PCDH15: variants seen among roughly 807,000 people sequenced by gnomAD.
PCDH15 encodes the protein protocadherin related 15, also known as protocadherin-15.
PCDH15 carries 129 observed loss-of-function variants against 178.5 expected under a neutral mutation model. The ratio of observed to expected loss-of-function variants is 0.72; its 90% confidence interval spans 0.63 to 0.84. PCDH15 has a LOEUF of 0.84. Ranked by LOEUF, PCDH15 falls within the 40% of genes least tolerant of loss-of-function variation. PCDH15 has a pLI of 0.00. For synonymous variants in PCDH15, 800 were observed against 732.0 expected (o/e 1.09, Z -1.50); for missense variants, 2,230 against 2,099.9 (o/e 1.06, Z -1.21).
At chr10:54,163,995 ATCT>A (rs1026009702) in intron 13 of PCDH15, among the ~76,000 whole-genome samples, 52 of 152,276 alleles carry the variant, frequency 3.4e-4, no homozygotes, top group South Asian at 2.1e-4. Context: ...GGAAACAAAC[ATCT>A]TCTTCATGGT....
chr10:54,328,868 G>A (rs770004365), intron 7 of PCDH15, among the ~76,000 whole-genome samples: 2 of 151,890 alleles, frequency 1.3e-5, no homozygotes, highest in East Asian at 1.9e-4. Flanking sequence ...ACATTGAGCT[G>A]CATAATTCCA....
At chr10:53,840,793 C>A (rs2077597290) in intron 28 of PCDH15, among the ~76,000 whole-genome samples, 1 of 152,118 alleles carries the variant, frequency 6.6e-6, no homozygotes, top group Admixed American at 6.5e-5. Context: ...GCCAAATATG[C>A]TGTACAAATA....
In PCDH15 at chr10:54,027,239, T is replaced by C. The variant is rs530931911; in HGVS notation, c.2221-4042A>G. ...CTAGGAATCCAACTTACAAGGGATG[T>C]GAAGGACCTCTTCAAGGAGAACTAC... On this transcript the variant is annotated intron_variant, in intron 18 of 37. Coordinates refer to ENST00000644397, the MANE Select transcript of PCDH15 (RefSeq NM_001384140.1). Among the ~76,000 whole-genome samples the C allele has an allele frequency of 9.2e-3, 1,366 of 148,868 alleles. 15 individuals are homozygous for C. Among genetic ancestry groups the C allele is most frequent in the Non-Finnish European group, 0.014 (962 of 67,722 alleles).
chr10:54,724,515 C>A (rs1004512704), intron 1 of PCDH15, among the ~76,000 whole-genome samples: 2 of 148,142 alleles, frequency 1.4e-5, no homozygotes, highest in Non-Finnish European at 3.0e-5. Flanking sequence ...GCATATATAC[C>A]CCCGAATCTA....
chr10:55,427,157 A>G (rs1838777652), intron 2 of PCDH15, among the ~76,000 whole-genome samples: 2 of 152,118 alleles, frequency 1.3e-5, no homozygotes, highest in South Asian at 4.1e-4. Flanking sequence ...TATCACTACA[A>G]TCAAGCTCAG....
chr10:54,093,900 A>G lies in PCDH15; in HGVS notation c.1918-3837T>C, dbSNP rs146833431. Among the ~76,000 whole-genome samples the G allele has an allele frequency of 2.1e-3, 318 of 152,320 alleles. 1 individual carries two copies. The highest frequency in any genetic ancestry group is 6.8e-3 in the Middle Eastern group (2 of 294). The stretch of plus-strand genomic sequence containing the variant: ...AGTGTTATTCAGTATTTTCCATAAT[A>G]TAAGAGATATAAATTGCTTCTTTTT... On this transcript the variant is annotated intron_variant, in intron 15 of 37. Coordinates refer to ENST00000644397, the MANE Select transcript of PCDH15 (RefSeq NM_001384140.1).
intron 1 of PCDH15, among the ~76,000 whole-genome samples, chr10:55,217,267 T>C (rs1240697029): frequency 6.6e-6 from 1 of 151,956 alleles, no homozygotes; most frequent in East Asian, 1.9e-4. Context: ...CGAAAACATA[T>C]CAATAGATAG....
At chr10:54,912,145 T>C (rs1048485629) in intron 2 of PCDH15, among the ~76,000 whole-genome samples, 2 of 152,130 alleles carry the variant, frequency 1.3e-5, no homozygotes, top group African/African-American at 2.4e-5. Flanking sequence ...TACCATTCCA[T>C]AGTAGACAAA....
At chr10:53,927,149 AGTGTGT>A (rs59045951) in intron 25 of PCDH15, among the ~76,000 whole-genome samples, 2 of 149,688 alleles carry the variant, frequency 1.3e-5, no homozygotes, top group Non-Finnish European at 3.0e-5. Context: ...TGTAAATGCA[AGTGTGT>A]GTGTGTGTGT....
chr10:54,271,492 C>T (rs557393530), intron 8 of PCDH15, among the ~76,000 whole-genome samples: 20 of 152,202 alleles, frequency 1.3e-4, no homozygotes, highest in Admixed American at 3.3e-4. Context: ...GGATTACAGG[C>T]GTGAGCCACT....
At chr10:54,617,696 C>A (rs1197185705) in intron 2 of PCDH15, among the ~76,000 whole-genome samples, 1 of 143,920 alleles carries the variant, frequency 6.9e-6, no homozygotes, top group Admixed American at 7.2e-5. Context: ...GGGAGGATCA[C>A]AAGGTCAGGA....
At position 54,683,498 on chromosome 10, in the gene PCDH15, C is replaced by T. The variant is rs561496103; in HGVS notation, c.-28-19208G>A. On this transcript the variant is annotated intron_variant, in intron 1 of 37. Transcript: ENST00000644397. ...GATTCAAAATTGAATTATTTTATCACGTTTCAGATGGAACTACAATTATTG... is the reference window on the plus strand; with the variant it reads ...GATTCAAAATTGAATTATTTTATCATGTTTCAGATGGAACTACAATTATTG... Among the ~76,000 whole-genome samples the T allele has an allele frequency of 2.2e-4, 34 of 152,180 alleles. No individual in the cohort carries two copies. The South Asian group carries it at 5.0e-3, about 22-fold the overall frequency.
At chr10:55,205,363 A>T (rs1840368309) in intron 1 of PCDH15, among the ~76,000 whole-genome samples, 1 of 152,010 alleles carries the variant, frequency 6.6e-6, no homozygotes, top group Non-Finnish European at 1.5e-5. Flanking sequence ...GATTTCTACA[A>T]GAATCTGGAC....
chr10:54,083,998 A>G (rs921411782), intron 16 of PCDH15, among the ~76,000 whole-genome samples: 15 of 152,122 alleles, frequency 9.9e-5, no homozygotes, highest in Admixed American at 4.6e-4. Flanking sequence ...GGCTGAGGCA[A>G]GAGGATCACA....
chr10:54,094,508 C>G (rs1016177806), intron 15 of PCDH15, among the ~76,000 whole-genome samples: 1 of 151,918 alleles, frequency 6.6e-6, no homozygotes, highest in Non-Finnish European at 1.5e-5. Flanking sequence ...TGATAAAGGC[C>G]GTGAGGTGAA....
At chr10:55,400,872 T>C (rs1838045280) in intron 2 of PCDH15, among the ~76,000 whole-genome samples, 1 of 152,114 alleles carries the variant, frequency 6.6e-6, no homozygotes. Context: ...CTATGATTTC[T>C]TCACTCTAAA....
In PCDH15 at chr10:55,192,020, G is replaced by A. The variant is rs947299216; in HGVS notation, c.-155-25369C>T. 1.1e-4 allele frequency among the ~76,000 whole-genome samples: 16 copies of A among 151,954 alleles called. No individual in the cohort carries two copies. In the East Asian group the frequency reaches 3.1e-3, roughly 29 times the overall value. On this transcript the variant is annotated intron_variant, in intron 1 of 5. Transcript: ENST00000458638. ...AAAATGTTTAGCTATTCCATTGTCA[G>A]TGTAAGATAATAATATCACACTAAA...
intron 15 of PCDH15, among the ~76,000 whole-genome samples, chr10:54,090,894 T>C (rs530662388): frequency 2.1e-4 from 32 of 152,274 alleles, no homozygotes; most frequent in African/African-American, 7.7e-4. Flanking sequence ...TGTTAATAGA[T>C]GTTGAGAGGT....
At chr10:54,503,590 C>T (rs973063651) in intron 3 of PCDH15, among the ~76,000 whole-genome samples, 2 of 151,392 alleles carry the variant, frequency 1.3e-5, no homozygotes, top group Non-Finnish European at 2.9e-5. Context: ...GAAACTAAAC[C>T]AAGAGATCTT....
Sources: allele counts gnomAD v4.1 joint callset (sites outside exome capture counted in the v4.1 genomes callset), GRCh38; gene constraint gnomAD v4.1.1; transcripts MANE v1.5; gene names NCBI Gene and HGNC (gene_info 2026-07-23, HGNC 2026-07-21).